The following RPL18 variants were observed in gnomAD, a reference collection of about 807,000 sequenced individuals.
RPL18 encodes the protein large ribosomal subunit protein eL18.
RPL18 carries 4 observed loss-of-function variants against 25.0 expected under a neutral mutation model. That is an observed-to-expected ratio of 0.16 (90% CI 0.08 to 0.37). The LOEUF (loss-of-function observed/expected upper bound fraction) is 0.37. RPL18 is among the 10% of genes least tolerant of loss of function. The pLI is 1.00. For synonymous variants in RPL18, 129 were observed against 101.6 expected (o/e 1.27, Z -1.62); for missense variants, 179 against 267.9 (o/e 0.67, Z 2.32).
Position 48,615,823 on chromosome 19 carries a change from T to G in RPL18, c.491+54A>C, listed in dbSNP as rs1024686202. ...GAAGCAGCCCAAGTGTGGCCAGGCC[T>G]GGCCCTGCAGGCTGAGTCTGGGGAG... is the stretch of plus-strand genomic sequence containing the variant. On this transcript the variant is annotated intron_variant, in intron 6 of 6. Transcript: ENST00000549920. 5 of 1,499,320 alleles carry G rather than the reference T, an allele frequency of 3.3e-6. No homozygotes were observed. The African/African-American group carries it at 4.1e-5, about 12-fold the overall frequency. 92.9% of individuals were successfully genotyped at this position (1,499,320 alleles called of 1,614,324 possible). A position where few individuals can be genotyped will look rare whatever the true frequency, so the allele number is the denominator to read the frequency against.
intron 3 of RPL18, 30 bp from the exon 4 acceptor site, chr19:48,616,854 T>C (rs777029345): frequency 1.2e-5 from 19 of 1,551,764 alleles, no homozygotes; most frequent in Admixed American, 1.0e-4. Context: ...ACGTCGTAAG[T>C]TGTTCTGGTG....
chr19:48,617,976 T>C (rs1338550022), intron 1 of RPL18, 99 bp from the exon 2 acceptor site: 2 of 882,030 alleles, frequency 2.3e-6, no homozygotes, highest in Non-Finnish European at 3.7e-6. Context: ...AGCCCAGGTC[T>C]GAACACACCA....
At chr19:48,617,539 A>G (rs1320921406) in intron 2 of RPL18, 116 bp from the exon 3 acceptor site, 10 of 835,080 alleles carry the variant, frequency 1.2e-5, no homozygotes, top group Non-Finnish European at 1.7e-5. Flanking sequence ...CTTTCCCCCA[A>G]CCCACCGACC....
At chr19:48,615,506 G>A (rs935170305) in intron 6 of RPL18, 59 bp from the exon 7 acceptor site, 7 of 1,245,296 alleles carry the variant, frequency 5.6e-6, no homozygotes, top group East Asian at 2.3e-5. Context: ...TTGTGGAGTG[G>A]CACAGGAACA....
chr19:48,615,524 C>A, intron 6 of RPL18, 77 bp from the exon 7 acceptor site: 1 of 1,098,062 alleles, frequency 9.1e-7, no homozygotes. Flanking sequence ...ACACCACAAG[C>A]CTGTCACATT....
At chr19:48,616,994 A>AT (rs1303834809) in intron 3 of RPL18, 170 bp from the exon 4 acceptor site, 12 of 700,880 alleles carry the variant, frequency 1.7e-5, no homozygotes, top group Middle Eastern at 4.6e-4. Context: ...AAAGCTCCAG[A>AT]TAAAAAAAAA....
Position 48,616,098 on chromosome 19 carries a change from A to G in RPL18, c.402T>C (p.Cys134=), listed in dbSNP as rs140941620. ...DQLALDSPKG[C]GTVLLSGPRK... ...ACTCACCGGAGAGCAGGACAGTGCCACAGCCCTTAGGGGAGTCCAGGGCCA... is the reference window on the plus strand; with the variant it reads ...ACTCACCGGAGAGCAGGACAGTGCCGCAGCCCTTAGGGGAGTCCAGGGCCA... The change falls in exon 5 of 7, where the codon TGT becomes TGC. Residue 134 remains cysteine, a synonymous_variant. Transcript: ENST00000549920. The G allele has an allele frequency of 5.7e-5, 92 of 1,614,070 alleles. 1 individual carries two copies. Among genetic ancestry groups the G allele is most frequent in the Non-Finnish European group, 6.8e-6 (8 of 1,180,026 alleles).
At position 48,616,734 on chromosome 19, in the gene RPL18, T is replaced by G. The variant is rs1178310429; in HGVS notation, c.289A>C (p.Lys97Gln). 6.2e-7 allele frequency: 1 copy of G among 1,610,942 alleles called. No individual in the cohort carries two copies. The highest frequency in any genetic ancestry group is 8.5e-7 in the Non-Finnish European group (1 of 1,177,276). ...TDDVRVQEVP[K>Q]LKVCALRVTS... ...AGCCCCCGCCAGCTCACCTTCAGTT[T>G]GGGTACCTCCTGAACCCGCACATCA... The change falls in exon 4 of 7, where the codon AAA becomes CAA. Residue 97 changes from lysine to glutamine, a missense_variant. Coordinates refer to ENST00000549920, the MANE Select transcript of RPL18 (RefSeq NM_000979.4).
chr19:48,617,634 G>C, intron 2 of RPL18, 157 bp downstream of exon 2: 1 of 695,506 alleles, frequency 1.4e-6, no homozygotes, highest in Non-Finnish European at 2.5e-6. Context: ...ACAGCCTAGA[G>C]GCTGAAAATA....
chr19:48,615,548 G>C (rs746962029), intron 6 of RPL18, 101 bp from the exon 7 acceptor site: 1 of 937,884 alleles, frequency 1.1e-6, no homozygotes, highest in Non-Finnish European at 1.7e-6. Flanking sequence ...CCCCAGGAGA[G>C]TCAATGCTGC....
Position 48,616,796 on chromosome 19 carries a change from T to C in RPL18, c.227A>G (p.Glu76Gly), listed in dbSNP as rs765399222. 8.6e-5 allele frequency: 138 copies of C among 1,613,730 alleles called. No individual in the cohort carries two copies. The highest frequency in any genetic ancestry group is 1.1e-4 in the Non-Finnish European group (131 of 1,179,940). The change falls in exon 4 of 7, where the codon GAA (glutamate) becomes GGA (glycine). Residue 76 changes from glutamate (E) to glycine (G), a missense_variant. Transcript: ENST00000549920. ...MIRKMKLPGR[E>G]NKTAVVVGTI... ...CCCCACAACCACGGCCGTCTTGTTT[T>C]CCCGGCCAGGAAGCTTCATCTTCCG...
In RPL18 at chr19:48,616,219, G is replaced by A. The variant is rs1384914276; in HGVS notation, c.298-17C>T. 1 of 1,612,752 alleles carries A rather than the reference G, an allele frequency of 6.2e-7. No individual in the cohort carries two copies. The highest frequency in any genetic ancestry group is 1.1e-5 in the South Asian group (1 of 91,032). On this transcript the variant is annotated splice_polypyrimidine_tract_variant and intron_variant, in intron 4 of 6. Coordinates refer to ENST00000549920, the MANE Select transcript of RPL18 (RefSeq NM_000979.4). ...TGCACATACCTGGTGGAGAGGACAA[G>A]GCTGGCGGGTCAGACCCCTGCGTGG...
chr19:48,617,460 C>G (rs1467107548), intron 2 of RPL18, 37 bp from the exon 3 acceptor site: 1 of 1,471,490 alleles, frequency 6.8e-7, no homozygotes, highest in African/African-American at 1.4e-5. Flanking sequence ...GCTGGGACAG[C>G]CTGCTCCCCC....
chr19:48,615,850 G>C (rs771837915), intron 6 of RPL18, 27 bp downstream of exon 6: 1 of 1,586,020 alleles, frequency 6.3e-7, no homozygotes, highest in Non-Finnish European at 8.6e-7. Context: ...TCTGGGGAGA[G>C]GGCAGGGCTG....
chr19:48,618,976 T>C (rs565279282), intron 1 of RPL18, 165 bp downstream of exon 1: 2 of 693,270 alleles, frequency 2.9e-6, no homozygotes, highest in Non-Finnish European at 5.0e-6. Flanking sequence ...AGGCTATGAC[T>C]GACCCATCCC....
At chr19:48,615,710 C>T in intron 6 of RPL18, 167 bp downstream of exon 6, 2 of 694,504 alleles carry the variant, frequency 2.9e-6, no homozygotes, top group Non-Finnish European at 5.0e-6. Flanking sequence ...GAAAACACAG[C>T]TCCAAGCAGT....
Position 48,617,358 on chromosome 19 carries a change from A to C in RPL18, c.156T>G (p.Phe52Leu). The C allele has an allele frequency of 6.2e-7, 1 of 1,614,170 alleles. No individual in the cohort carries two copies. The highest frequency in any genetic ancestry group is 2.2e-5 in the East Asian group (1 of 44,890). ...TFNQVVLKRL[F>L]MSRTNRPPLS... Reference sequence around the variant, plus strand: ...GAGGCGGCCGGTTGGTGCGACTCATAAACAACCTCTTCAACACAACCTGGT... The same window carrying C: ...GAGGCGGCCGGTTGGTGCGACTCATCAACAACCTCTTCAACACAACCTGGT... The change falls in exon 3 of 7, where the codon TTT (phenylalanine) becomes TTG (leucine). Residue 52 changes from phenylalanine to leucine, a missense_variant. Transcript: ENST00000549920.
intron 1 of RPL18, 57 bp from the exon 2 acceptor site, chr19:48,617,934 T>TA (rs767659126): frequency 6.1e-6 from 8 of 1,318,266 alleles, no homozygotes; most frequent in Non-Finnish European, 7.7e-6. Context: ...AGCCAATTAT[T>TA]ACTTATTTCT....
chr19:48,615,644 G>C, intron 6 of RPL18, 197 bp from the exon 7 acceptor site: 2 of 644,640 alleles, frequency 3.1e-6, no homozygotes, highest in Non-Finnish European at 5.4e-6. Flanking sequence ...TCCCAGCCTG[G>C]GCTGGCAAAG....
Sources: gnomAD v4.1 joint callset for allele counts on GRCh38, gnomAD v4.1.1 for gene constraint, MANE v1.5 for transcripts, NCBI Gene and HGNC (gene_info 2026-07-23, HGNC 2026-07-21) for gene names.